Variants in GAK observed in about 807,000 individuals in gnomAD.
The protein encoded by GAK is cyclin-G-associated kinase.
Under a neutral mutation model 143.9 loss-of-function variants are expected in GAK, and 79 were observed. That is an observed-to-expected ratio of 0.55 (90% CI 0.46 to 0.66). The LOEUF is 0.66. GAK is among the 30% of genes least tolerant of loss of function. The pLI, the probability that GAK is intolerant of heterozygous loss-of-function variation, is 0.00. For missense variants in GAK, 1,693 were observed against 1,779.7 expected (o/e 0.95, Z 0.88); for synonymous variants, 881 against 765.5 (o/e 1.15, Z -2.49).
intron 8 of GAK, 41 bp from the exon 9 acceptor site, chr4:893,530 A>G (rs936079290): frequency 7.7e-6 from 11 of 1,431,286 alleles, no homozygotes; most frequent in African/African-American, 1.4e-5. Flanking sequence ...ACGGTTCCCC[A>G]GGCGGGTCAG....
intron 25 of GAK, 84 bp from the exon 26 acceptor site, chr4:851,168 G>A (rs888437109): frequency 8.2e-7 from 1 of 1,221,458 alleles, no homozygotes; most frequent in Admixed American, 2.0e-5. Context: ...CGTGATCTCA[G>A]CTCTCTGCAG....
At chr4:903,698 C>G (rs1481892554) in intron 5 of GAK, among the ~76,000 whole-genome samples, 3 of 90,424 alleles carry the variant, frequency 3.3e-5, no homozygotes, top group Middle Eastern at 5.6e-3. Flanking sequence ...GTGACACCAC[C>G]GGGGGGCGGT....
Position 881,893 on chromosome 4 carries a change from G to A in GAK, c.1661+14C>T. On this transcript the variant is annotated intron_variant, in intron 15 of 27. Transcript: ENST00000314167. ...CACAGAGCTGTCCCCTGTCCCCGGAGGGCCACGCAGTACCTTTTGTGGGAT... is the reference window on the plus strand; with the variant it reads ...CACAGAGCTGTCCCCTGTCCCCGGAAGGCCACGCAGTACCTTTTGTGGGAT... 6.4e-7 allele frequency: 1 copy of A among 1,569,386 alleles called. No individual in the cohort carries two copies. Among genetic ancestry groups the A allele is most frequent in the Non-Finnish European group, 8.7e-7 (1 of 1,155,450 alleles).
intron 11 of GAK, chr4:884,468 T>C (rs1011573209): frequency 1.4e-4 from 32 of 233,712 alleles, no homozygotes; most frequent in African/African-American, 7.0e-4. Flanking sequence ...GCTTGGACGA[T>C]GGTCACGGGT....
chr4:900,490 T>C (rs952661089), intron 5 of GAK, among the ~76,000 whole-genome samples: 9 of 152,080 alleles, frequency 5.9e-5, no homozygotes, highest in Non-Finnish European at 1.2e-4. Flanking sequence ...GTTTCTGTTC[T>C]CCTTAAAATA....
rs768414731 is a variant in GAK at position 849,684 on chromosome 4, G to A, written c.3925C>T (p.Pro1309Ser). Residue 1309 changes from proline (P) to serine (S), a missense_variant, in exon 28 of 28, where the codon CCC becomes TCC. Physicochemically the swap from Pro to Ser is moderately conservative, Grantham distance 74. Transcript: ENST00000314167. ...CCACCACTGCGGCCTCAGAAGAGGG[G>A]CCGGGAGCCCTGGTTCTCAAACTCC... ...WSEFENQGSR[P>S]LF is the part of the protein sequence containing the mutation. The A allele has an allele frequency of 1.9e-6, 3 of 1,612,282 alleles. No individual in the cohort carries two copies. Among genetic ancestry groups the A allele is most frequent in the African/African-American group, 2.7e-5 (2 of 75,020 alleles).
intron 18 of GAK, among the ~76,000 whole-genome samples, chr4:871,772 C>T (rs1409723798): frequency 6.6e-6 from 1 of 152,092 alleles, no homozygotes; most frequent in Non-Finnish European, 1.5e-5. Flanking sequence ...TGTGACCTGA[C>T]ACTGACCATT....
At position 888,630 on chromosome 4, in the gene GAK, C is replaced by A. The variant is rs113181770; in HGVS notation, c.1205+217G>T. Reference sequence around the variant, plus strand: ...CAGGCATCTCCTCAGCAGGGCCTTGCCCCCCAGGCGATGAAAGGAAAGGGA... The same window carrying A: ...CAGGCATCTCCTCAGCAGGGCCTTGACCCCCAGGCGATGAAAGGAAAGGGA... On this transcript the variant is annotated intron_variant, in intron 11 of 27. Transcript: ENST00000314167. 114 of 574,104 alleles carry A rather than the reference C, an allele frequency of 2.0e-4. 2 individuals are homozygous for A. Among genetic ancestry groups the A allele is most frequent in the African/African-American group, 1.7e-3 (91 of 52,080 alleles). The allele number at this position is 574,104 out of a possible 1,614,324, so 35.6% of individuals were successfully genotyped here.
At chr4:911,854 A>C in intron 3 of GAK, 67 bp from the exon 4 acceptor site, 1 of 1,184,418 alleles carries the variant, frequency 8.4e-7, no homozygotes, top group Non-Finnish European at 1.3e-6. Flanking sequence ...TTCAAAATAA[A>C]TGTAGACAAT....
intron 1 of GAK, among the ~76,000 whole-genome samples, chr4:914,560 C>T (rs1190754618): frequency 7.0e-5 from 8 of 113,918 alleles, no homozygotes; most frequent in South Asian, 3.3e-4. Flanking sequence ...CCAGCGTGCA[C>T]GGCCCCCCAC....
intron 26 of GAK, chr4:850,369 A>T: frequency 3.0e-6 from 1 of 329,114 alleles, no homozygotes; most frequent in Non-Finnish European, 5.6e-6. Flanking sequence ...GGCCCATCCC[A>T]GGCCCCAGAC....
intron 24 of GAK, among the ~76,000 whole-genome samples, chr4:857,562 A>G (rs1230832939): frequency 6.6e-6 from 1 of 152,122 alleles, no homozygotes; most frequent in East Asian, 1.9e-4. Context: ...GAATTTATCA[A>G]TTTCACGTAA....
At chr4:915,513 A>G (rs899514797) in intron 1 of GAK, 2 of 152,334 alleles carry the variant, frequency 1.3e-5, no homozygotes, top group Admixed American at 1.3e-4. Flanking sequence ...TCACTCACGA[A>G]TGTGGACCCA....
intron 9 of GAK, among the ~76,000 whole-genome samples, chr4:892,821 G>A (rs1475227871): frequency 6.6e-6 from 1 of 152,228 alleles, no homozygotes; most frequent in Non-Finnish European, 1.5e-5. Context: ...GTCAGGGGAA[G>A]AATCTAGAAA....
At chr4:926,792 C>T (rs1005310357) in intron 1 of GAK, among the ~76,000 whole-genome samples, 3 of 151,298 alleles carry the variant, frequency 2.0e-5, no homozygotes, top group Non-Finnish European at 4.4e-5. Flanking sequence ...AACCAACTAA[C>T]CAAGCCCCAG....
intron 4 of GAK, 86 bp from the exon 5 acceptor site, chr4:904,865 A>G (rs1330112986): frequency 7.4e-7 from 1 of 1,357,232 alleles, no homozygotes; most frequent in South Asian, 1.3e-5. Flanking sequence ...GACTTCCCAG[A>G]ACTAAATGGA....
intron 11 of GAK, chr4:886,840 G>C (rs2152830838): frequency 6.6e-6 from 1 of 152,444 alleles, no homozygotes; most frequent in South Asian, 2.1e-4. Flanking sequence ...TCAGGCAGGA[G>C]GCGTCACAGA....
At chr4:927,739 C>T (rs548924181) in intron 1 of GAK, among the ~76,000 whole-genome samples, 38 of 148,340 alleles carry the variant, frequency 2.6e-4, no homozygotes, top group Non-Finnish European at 3.6e-4. Context: ...TGCTTACCTG[C>T]GCTCTGCACT....
intron 1 of GAK, among the ~76,000 whole-genome samples, chr4:927,073 C>A (rs1393891164): frequency 1.7e-5 from 1 of 58,672 alleles, no homozygotes; most frequent in Non-Finnish European, 3.5e-5. Flanking sequence ...CACCCCTTCC[C>A]GCTCACCTGC....
Sources: allele counts gnomAD v4.1 joint callset (sites outside exome capture counted in the v4.1 genomes callset), GRCh38; gene constraint gnomAD v4.1.1; transcripts MANE v1.5; gene names NCBI Gene and HGNC (gene_info 2026-07-23, HGNC 2026-07-21).